Variants in CCDC196 observed in about 807,000 individuals in gnomAD.
CCDC196 encodes the protein coiled-coil domain containing 196.
chr14:66,494,964 T>A, intron 8 of CCDC196: 1 of 151,218 alleles, frequency 6.6e-6, no homozygotes, highest in Non-Finnish European at 1.5e-5. Context: ...AGGCAGAGGT[T>A]ACAGTGAGCT....
At chr14:66,496,659 T>TAA (rs1209415441) in intron 8 of CCDC196, 1 of 231,632 alleles carries the variant, frequency 4.3e-6, no homozygotes, top group Non-Finnish European at 8.8e-6. Context: ...TCACCTATCT[T>TAA]AGAGAGCACA....
intron 4 of CCDC196, among the ~76,000 whole-genome samples, chr14:66,490,308 C>T (rs751123024): frequency 5.9e-5 from 9 of 152,182 alleles, no homozygotes; most frequent in African/African-American, 2.2e-4. Context: ...GCTTCAGAAT[C>T]AGAAAGATCT....
At position 66,488,257 on chromosome 14, in the gene CCDC196, G is replaced by C. The variant is rs546471711; in HGVS notation, c.300+1G>C. ...AGCAGAGGAGATGAAACAGAACTTG[G>C]TAAGAAGTAGGAGGGACTCCAGGAA... On this transcript the variant is annotated splice_donor_variant, in intron 3 of 9. Transcript: ENST00000636229. LOFTEE classifies it high-confidence loss of function. The C allele has an allele frequency of 1.3e-4, 55 of 412,796 alleles. No homozygotes were observed. In the Admixed American group the frequency reaches 1.9e-3, roughly 14 times the overall value. 25.6% of individuals were successfully genotyped at this position (412,796 alleles called of 1,614,324 possible). A position where few individuals can be genotyped will look rare whatever the true frequency, so the allele number is the denominator to read the frequency against.
At chr14:66,493,487 G>T (rs1039873374) in intron 8 of CCDC196, among the ~76,000 whole-genome samples, 20 of 152,204 alleles carry the variant, frequency 1.3e-4, no homozygotes, top group African/African-American at 4.6e-4. Flanking sequence ...GACATTGTTT[G>T]TGTGATGATA....
chr14:66,492,042 TTC>T lies in CCDC196; in HGVS notation c.574-7_574-6del, dbSNP rs1169377795. ...CCTATATGTGTAGTTTTGGAAAATA[TTC>T]TCTTTCAGAATGATTTTCATGGCAA... On this transcript the variant is annotated splice_polypyrimidine_tract_variant and intron_variant, in intron 7 of 9. Transcript: ENST00000636229. 7 of 413,252 alleles carry T rather than the reference TTC, an allele frequency of 1.7e-5. No individual in the cohort carries two copies. The highest frequency in any genetic ancestry group is 3.1e-5 in the Non-Finnish European group (7 of 226,148). 25.6% of individuals were successfully genotyped at this position (413,252 alleles called of 1,614,324 possible).
intron 8 of CCDC196, among the ~76,000 whole-genome samples, chr14:66,497,803 T>G (rs573500838): frequency 2.6e-5 from 4 of 152,220 alleles, no homozygotes; most frequent in African/African-American, 9.6e-5. Context: ...TTTTGTGAAA[T>G]ATATCTATCT....
At chr14:66,487,213 G>A (rs1438189257) in intron 2 of CCDC196, among the ~76,000 whole-genome samples, 1 of 152,142 alleles carries the variant, frequency 6.6e-6, no homozygotes, top group Non-Finnish European at 1.5e-5. Context: ...GGAGCCCTCT[G>A]AATTAGGGCA....
intron 8 of CCDC196, 43 bp from the exon 9 acceptor site, chr14:66,498,066 C>T (rs55645960): frequency 0.082 from 30,377 of 370,808 alleles, 756 homozygotes; most frequent in Middle Eastern, 0.12. Context: ...TTTTTTTTTT[C>T]CCCCTCAAAA....
intron 6 of CCDC196, 169 bp from the exon 7 acceptor site, chr14:66,491,457 G>A: frequency 2.5e-6 from 1 of 407,676 alleles, no homozygotes; most frequent in Non-Finnish European, 4.4e-6. Context: ...TTAGCTTTTA[G>A]AGGATGGCTT....
chr14:66,498,271 A>T (rs548792723), intron 9 of CCDC196, 82 bp from the exon 10 acceptor site: 127 of 412,582 alleles, frequency 3.1e-4, no homozygotes, highest in African/African-American at 2.4e-3. Context: ...ATTCTAATTT[A>T]ATATTTTAGG....
chr14:66,488,861 C>G, intron 3 of CCDC196, 126 bp from the exon 4 acceptor site: 1 of 408,140 alleles, frequency 2.5e-6, no homozygotes, highest in Admixed American at 4.4e-5. Context: ...CATTCATTGC[C>G]TTCCTCTGTG....
chr14:66,496,407 T>C (rs1040349325), intron 8 of CCDC196: 3 of 455,310 alleles, frequency 6.6e-6, no homozygotes, highest in African/African-American at 4.0e-5. Context: ...TCCCTACTTG[T>C]GAATTCCCTT....
chr14:66,495,048 G>C (rs1160668249), intron 8 of CCDC196, among the ~76,000 whole-genome samples: 1 of 150,782 alleles, frequency 6.6e-6, no homozygotes, highest in African/African-American at 2.4e-5. Context: ...AAAAGACATA[G>C]AGAACTTTAA....
chr14:66,487,853 C>T (rs188516339), intron 2 of CCDC196, among the ~76,000 whole-genome samples: 1 of 152,128 alleles, frequency 6.6e-6, no homozygotes, highest in East Asian at 1.9e-4. Context: ...CCCTTCTTCT[C>T]CCAAAAGTCA....
chr14:66,487,661 T>C (rs566241377), intron 2 of CCDC196, among the ~76,000 whole-genome samples: 1 of 152,338 alleles, frequency 6.6e-6, no homozygotes, highest in South Asian at 2.1e-4. Flanking sequence ...ATGGCTTGCA[T>C]TCTCTGGGGC....
intron 2 of CCDC196, among the ~76,000 whole-genome samples, chr14:66,487,533 C>T (rs1030159027): frequency 6.6e-6 from 1 of 152,118 alleles, no homozygotes; most frequent in African/African-American, 2.4e-5. Context: ...TTGTGTTCTT[C>T]GCTTAGAACT....
At chr14:66,498,054 T>G in intron 8 of CCDC196, 55 bp from the exon 9 acceptor site, 1 of 399,134 alleles carries the variant, frequency 2.5e-6, no homozygotes, top group Non-Finnish European at 4.6e-6. Flanking sequence ...ACTAGTGGTT[T>G]TTTTTTTTTT....
Position 66,498,380 on chromosome 14 carries a change from GAAC to G in CCDC196, c.808_810del (p.Gln270del), listed in dbSNP as rs2057716384. ...AATTCTGGGAACAAAGATCTACACA[GAAC>G]AACAAGGAACTAAAGGAAGTCAGCT... is the stretch of plus-strand genomic sequence containing the variant. On this transcript the variant is annotated inframe_deletion, in exon 10 of 10. Coordinates refer to ENST00000636229, the MANE Select transcript of CCDC196 (RefSeq NM_001351576.1). 7.3e-6 allele frequency: 3 copies of G among 412,976 alleles called. No homozygotes were observed. In the Admixed American group the frequency reaches 1.3e-4, roughly 18 times the overall value. 25.6% of individuals were successfully genotyped at this position (412,976 alleles called of 1,614,324 possible).
intron 8 of CCDC196, among the ~76,000 whole-genome samples, chr14:66,492,635 C>T (rs762765855): frequency 3.3e-5 from 5 of 152,092 alleles, no homozygotes; most frequent in African/African-American, 7.2e-5. Flanking sequence ...CCACCACGCC[C>T]GGCCTATCAT....
Sources: gnomAD v4.1 joint callset for allele counts (sites outside exome capture counted in the v4.1 genomes callset) on GRCh38, gnomAD v4.1.1 for gene constraint, MANE v1.5 for transcripts, NCBI Gene and HGNC (gene_info 2026-07-23, HGNC 2026-07-21) for gene names.